TBC1D1: variants seen among roughly 807,000 people sequenced by gnomAD.
TBC1D1 encodes TBC1 domain family member 1.
TBC1D1 carries 89 observed loss-of-function variants against 125.6 expected under a neutral mutation model. The observed-to-expected ratio is 0.71, with a 90% CI of 0.60 to 0.85. TBC1D1 has a LOEUF of 0.85. Ranked by LOEUF, TBC1D1 falls within the 40% of genes least tolerant of loss-of-function variation. The pLI, the probability that TBC1D1 is intolerant of heterozygous loss-of-function variation, is 0.00. For synonymous variants in TBC1D1, 565 were observed against 564.1 expected (o/e 1.00, Z -0.02); for missense variants, 1,377 against 1,469.2 (o/e 0.94, Z 1.03).
intron 12 of TBC1D1, among the ~76,000 whole-genome samples, chr4:38,070,699 A>G (rs780673408): frequency 6.6e-6 from 1 of 152,264 alleles, no homozygotes; most frequent in Non-Finnish European, 1.5e-5. Flanking sequence ...ACATGGAGAA[A>G]GAATACAAAG....
rs937934088 is a variant in TBC1D1 at position 37,977,861 on chromosome 4, C to A, written c.418-36648C>A. On this transcript the variant is annotated intron_variant, in intron 2 of 19. Transcript: ENST00000261439. This position sits in a 1 kb window ranked among gnomAD's most constrained non-coding sequence, Gnocchi z 4.3. ...GCCGCGGAGCTGCCGCTCGGTGCCT[C>A]CCCGGCGCGGGACCTCGCGGAAGTC... Among the ~76,000 whole-genome samples the A allele has an allele frequency of 1.3e-5, 2 of 152,098 alleles. No individual in the cohort carries two copies. Among genetic ancestry groups the A allele is most frequent in the African/African-American group, 4.8e-5 (2 of 41,434 alleles).
chr4:38,136,048 C>T lies in TBC1D1; in HGVS notation c.3307-1087C>T, dbSNP rs573522465. 4.6e-5 allele frequency among the ~76,000 whole-genome samples: 7 copies of T among 151,798 alleles called. No individual in the cohort carries two copies. In the South Asian group the frequency reaches 1.0e-3, roughly 23 times the overall value. Reference sequence around the variant, plus strand: ...AGATAGACCAAGTCACAGAGCACTCCAGGATGCAGCTGTGAGCTGGGGAAC... The same window carrying T: ...AGATAGACCAAGTCACAGAGCACTCTAGGATGCAGCTGTGAGCTGGGGAAC... On this transcript the variant is annotated intron_variant, in intron 19 of 19. Transcript: ENST00000261439.
intron 2 of TBC1D1, among the ~76,000 whole-genome samples, chr4:37,947,788 G>A (rs1239015793): frequency 1.3e-5 from 2 of 152,152 alleles, no homozygotes; most frequent in Non-Finnish European, 2.9e-5. Context: ...TTACAAAGTG[G>A]CACAAGAATT....
chr4:38,050,742 A>C (rs141298213), intron 11 of TBC1D1, among the ~76,000 whole-genome samples: 3 of 152,348 alleles, frequency 2.0e-5, no homozygotes, highest in African/African-American at 7.2e-5. Flanking sequence ...CGTGTAGTTC[A>C]TACACGGATC....
intron 12 of TBC1D1, among the ~76,000 whole-genome samples, chr4:38,083,684 G>A (rs1756966947): frequency 6.6e-6 from 1 of 152,198 alleles, no homozygotes; most frequent in South Asian, 2.1e-4. Context: ...CCTGTTTGAG[G>A]TTGAGTAGCT....
At chr4:38,092,808 C>G (rs1450345125) in intron 13 of TBC1D1, among the ~76,000 whole-genome samples, 1 of 152,030 alleles carries the variant, frequency 6.6e-6, no homozygotes, top group Non-Finnish European at 1.5e-5. Flanking sequence ...GGGCCAGAAC[C>G]TATCCCTACA....
chr4:37,951,298 A>T (rs1727816363), intron 2 of TBC1D1, among the ~76,000 whole-genome samples: 1 of 152,216 alleles, frequency 6.6e-6, no homozygotes, highest in Non-Finnish European at 1.5e-5. Flanking sequence ...GGGTGTGGAT[A>T]CTGAAATAAG....
chr4:37,933,704 C>T (rs1363719193), intron 2 of TBC1D1, among the ~76,000 whole-genome samples: 2 of 152,132 alleles, frequency 1.3e-5, no homozygotes, highest in African/African-American at 2.4e-5. Context: ...AAATGTTTAA[C>T]AGTGATTCAA....
chr4:38,042,560 A>G (rs1748604515), intron 8 of TBC1D1, among the ~76,000 whole-genome samples: 1 of 151,778 alleles, frequency 6.6e-6, no homozygotes, highest in African/African-American at 2.4e-5. Flanking sequence ...TGGCCTTGGT[A>G]TATGTGTTTT....
chr4:38,091,275 A>G (rs1003360610), intron 13 of TBC1D1, among the ~76,000 whole-genome samples: 1 of 152,216 alleles, frequency 6.6e-6, no homozygotes, highest in Non-Finnish European at 1.5e-5. Flanking sequence ...AAGCTTTCCA[A>G]CATGCAGTTT....
chr4:38,117,289 T>C (rs1763135531), intron 16 of TBC1D1, among the ~76,000 whole-genome samples: 1 of 152,166 alleles, frequency 6.6e-6, no homozygotes, highest in South Asian at 2.1e-4. Context: ...TAGGTTGTTG[T>C]TTCTTTAGGC....
chr4:38,118,543 G>T (rs1763353527), intron 17 of TBC1D1: 2 of 204,572 alleles, frequency 9.8e-6, no homozygotes. Flanking sequence ...GCCACTCTGG[G>T]TTGTGAGTAT....
chr4:38,018,424 A>C lies in TBC1D1; in HGVS notation c.953A>C (p.Glu318Ala), dbSNP rs780415822. 5 of 1,610,502 alleles carry C rather than the reference A, an allele frequency of 3.1e-6. No homozygotes were observed. The African/African-American group carries it at 4.0e-5, about 13-fold the overall frequency. The change falls in exon 4 of 20, where the codon GAG (glutamate) becomes GCG (alanine). Residue 318 changes from glutamate to alanine, a missense_variant. This residue lies in a region of TBC1D1 where 822 missense variants were observed against 824.6 expected (regional missense o/e 1.00). Coordinates refer to ENST00000261439, the MANE Select transcript of TBC1D1 (RefSeq NM_015173.4). ...ATAGCATTGGAGAAAAATTTTAAGG[A>C]GATATCCTTTTGCTCTCAGGTAAAT...
intron 15 of TBC1D1, among the ~76,000 whole-genome samples, chr4:38,104,670 C>T (rs985516797): frequency 1.3e-5 from 2 of 152,182 alleles, no homozygotes; most frequent in African/African-American, 4.8e-5. Flanking sequence ...GCAGTGTGAG[C>T]CGCATCAGGC....
intron 2 of TBC1D1, among the ~76,000 whole-genome samples, chr4:38,009,664 T>C (rs1377096904): frequency 1.3e-5 from 2 of 152,248 alleles, no homozygotes; most frequent in Admixed American, 1.3e-4. Context: ...TATTCACTTA[T>C]GCATGCTTCA....
intron 1 of TBC1D1, among the ~76,000 whole-genome samples, chr4:37,900,085 C>T (rs977311560): frequency 6.7e-6 from 1 of 148,570 alleles, no homozygotes; most frequent in African/African-American, 2.5e-5. Context: ...CGCGCCACTG[C>T]ACTCCAGCCT....
chr4:37,897,835 T>C (rs1168045073), intron 1 of TBC1D1, among the ~76,000 whole-genome samples: 1 of 152,206 alleles, frequency 6.6e-6, no homozygotes, highest in Non-Finnish European at 1.5e-5. Flanking sequence ...AGACATTTAA[T>C]GTCATTTTCA....
At chr4:37,980,392 A>G (rs1289261401) in intron 2 of TBC1D1, among the ~76,000 whole-genome samples, 3 of 152,172 alleles carry the variant, frequency 2.0e-5, no homozygotes, top group Admixed American at 6.5e-5. Flanking sequence ...GAACTTCTCA[A>G]GCTTTGTGAT....
chr4:37,922,962 T>C (rs1187332965), intron 2 of TBC1D1, among the ~76,000 whole-genome samples: 2 of 152,168 alleles, frequency 1.3e-5, no homozygotes. Context: ...CTCTCTCTTT[T>C]TTTTTTAATT....
Sources: gnomAD v4.1 joint callset for allele counts (sites outside exome capture counted in the v4.1 genomes callset) on GRCh38, gnomAD v4.1.1 for gene constraint, gnomAD v4.1.1 regional missense constraint, Gnocchi (gnomAD v3.1) non-coding constraint, MANE v1.5 for transcripts, NCBI Gene and HGNC (gene_info 2026-07-23, HGNC 2026-07-21) for gene names.